The following AKAP6 variants were observed in gnomAD, a reference collection of about 807,000 sequenced individuals.
The protein encoded by AKAP6 is A-kinase anchoring protein 6.
In AKAP6, 58 loss-of-function variants were observed where a neutral mutation model predicts 188.5. That is an observed-to-expected ratio of 0.31 (90% CI 0.25 to 0.38). The LOEUF is 0.38. AKAP6 is among the 10% of genes least tolerant of loss of function. The pLI is 1.00. For synonymous variants in AKAP6, 989 were observed against 998.6 expected (o/e 0.99, Z 0.18); for missense variants, 2,710 against 2,740.0 (o/e 0.99, Z 0.24).
intron 4 of AKAP6, 55 bp from the exon 5 acceptor site, chr14:32,577,065 C>T (rs1884752863): frequency 6.4e-7 from 1 of 1,568,394 alleles, no homozygotes; most frequent in Non-Finnish European, 8.6e-7. Flanking sequence ...TACAGAATAA[C>T]CAACTAACAT....
intron 2 of AKAP6, among the ~76,000 whole-genome samples, chr14:32,525,375 T>C (rs966703788): frequency 3.2e-4 from 49 of 152,212 alleles, no homozygotes; most frequent in Admixed American, 2.0e-4. Flanking sequence ...TTTCAAAGCA[T>C]GGAAAGCAAA....
chr14:32,535,673 G>A lies in AKAP6; in HGVS notation c.444G>A (p.Gln148=). ...TGATAGTGGACATCCACGCAGTGCA[G>A]CTCCTCTGGCACCAGCTTCGAGTCT... ...VNVIVDIHAV[Q]LLWHQLRVSV... is the part of the protein sequence containing the mutation. Residue 148 remains glutamine, a synonymous_variant, in exon 3 of 14, where the codon CAG becomes CAA. Transcript: ENST00000280979. 6.2e-7 allele frequency: 1 copy of A among 1,614,236 alleles called. No homozygotes were observed. The highest frequency in any genetic ancestry group is 8.5e-7 in the Non-Finnish European group (1 of 1,180,024).
chr14:32,412,275 A>T (rs1957000), intron 1 of AKAP6, among the ~76,000 whole-genome samples: 96,379 of 152,036 alleles, frequency 0.63, 32,959 homozygotes, highest in Non-Finnish European at 0.76. Context: ...ACTCCTTGAC[A>T]CATTTACATA....
intron 1 of AKAP6, among the ~76,000 whole-genome samples, chr14:32,427,167 T>TGA: frequency 6.6e-6 from 1 of 152,296 alleles, no homozygotes; most frequent in Middle Eastern, 3.4e-3. Flanking sequence ...GCAGTCCTTC[T>TGA]CCTCACTGAC....
At chr14:32,461,091 C>T (rs962807466) in intron 2 of AKAP6, among the ~76,000 whole-genome samples, 5 of 152,196 alleles carry the variant, frequency 3.3e-5, no homozygotes, top group African/African-American at 9.7e-5. Context: ...ACCTCCATGT[C>T]CCTGGGACAG....
At chr14:32,481,362 T>C (rs1267947616) in intron 2 of AKAP6, among the ~76,000 whole-genome samples, 3 of 152,204 alleles carry the variant, frequency 2.0e-5, no homozygotes, top group Non-Finnish European at 2.9e-5. Context: ...AATGGCATCA[T>C]TCCTGTATTC....
chr14:32,823,114 G>A lies in AKAP6; in HGVS notation c.5301G>A (p.Glu1767=), dbSNP rs755211342. 1 of 1,613,786 alleles carries A rather than the reference G, an allele frequency of 6.2e-7. No individual in the cohort carries two copies. Among genetic ancestry groups the A allele is most frequent in the South Asian group, 1.1e-5 (1 of 91,076 alleles). The change falls in exon 13 of 14, where the codon GAG becomes GAA. Residue 1767 remains glutamate (E), a synonymous_variant. Transcript: ENST00000280979. ...SSSTLTLTEE[E]LCIKDEDDDS... is the part of the protein sequence containing the mutation. ...CTACCCTTACCTTGACTGAAGAAGA[G>A]CTGTGCATCAAAGATGAGGATGACG...
chr14:32,569,022 T>G (rs1463597643), intron 4 of AKAP6, among the ~76,000 whole-genome samples: 1 of 152,212 alleles, frequency 6.6e-6, no homozygotes, highest in Non-Finnish European at 1.5e-5. Flanking sequence ...TTTCCCATCA[T>G]AAGAGTTAGG....
At chr14:32,532,305 A>G (rs932165857) in intron 2 of AKAP6, among the ~76,000 whole-genome samples, 14 of 152,136 alleles carry the variant, frequency 9.2e-5, no homozygotes, top group African/African-American at 3.4e-4. Context: ...GTCAGCACTT[A>G]TGGGAAGGGT....
chr14:32,394,579 A>G (rs1888813862), intron 1 of AKAP6, among the ~76,000 whole-genome samples: 1 of 152,196 alleles, frequency 6.6e-6, no homozygotes, highest in East Asian at 1.9e-4. Flanking sequence ...TTATATTCAC[A>G]TCAGTTCGTA....
intron 1 of AKAP6, among the ~76,000 whole-genome samples, chr14:32,405,105 A>T (rs1594582447): frequency 6.6e-6 from 1 of 152,012 alleles, no homozygotes; most frequent in Non-Finnish European, 1.5e-5. Flanking sequence ...TCTTTTCCTA[A>T]TCTCAAGCCA....
intron 11 of AKAP6, among the ~76,000 whole-genome samples, chr14:32,771,701 T>C (rs569967939): frequency 1.3e-5 from 2 of 152,298 alleles, no homozygotes; most frequent in Non-Finnish European, 1.5e-5. Context: ...AAATTTTCAT[T>C]TGGCTAAGAA....
intron 7 of AKAP6, among the ~76,000 whole-genome samples, chr14:32,638,817 G>GAATA (rs1887630988): frequency 6.6e-6 from 1 of 151,708 alleles, no homozygotes; most frequent in Admixed American, 6.6e-5. Flanking sequence ...AAACAGACTT[G>GAATA]TTAATATTCA....
intron 2 of AKAP6, among the ~76,000 whole-genome samples, chr14:32,513,553 A>G (rs1881363359): frequency 6.6e-6 from 1 of 152,206 alleles, no homozygotes; most frequent in Non-Finnish European, 1.5e-5. Flanking sequence ...GGTATAATTC[A>G]GTTGCCTGCT....
intron 1 of AKAP6, among the ~76,000 whole-genome samples, chr14:32,418,838 G>A (rs183949971): frequency 7.8e-4 from 118 of 152,214 alleles, no homozygotes; most frequent in Middle Eastern, 3.4e-3. Flanking sequence ...GCTGGTTTGT[G>A]TCCCATGCTT....
rs572695021 is a variant in AKAP6, at chr14:32,528,747, G to A, written c.325-6807G>A. Among the ~76,000 whole-genome samples the A allele has an allele frequency of 2.6e-5, 4 of 151,988 alleles. No homozygotes were observed. In the South Asian group the frequency reaches 8.3e-4, roughly 32 times the overall value. ...GGCTGGAGTGCAATGGCGTGATCTC[G>A]GCTCACTGCAACCTCTGCCTCTTGG... On this transcript the variant is annotated intron_variant, in intron 2 of 13. Coordinates refer to ENST00000280979, the MANE Select transcript of AKAP6 (RefSeq NM_004274.5).
chr14:32,752,567 C>T (rs1170648731), intron 11 of AKAP6, among the ~76,000 whole-genome samples: 2 of 152,052 alleles, frequency 1.3e-5, no homozygotes, highest in Non-Finnish European at 2.9e-5. Context: ...ATGTATATGT[C>T]GTGACATGAT....
chr14:32,455,798 T>C (rs956999413), intron 2 of AKAP6, among the ~76,000 whole-genome samples: 2 of 152,202 alleles, frequency 1.3e-5, no homozygotes, highest in African/African-American at 2.4e-5. Context: ...TCTGTCCTAT[T>C]TTAAAATTAT....
chr14:32,405,531 A>G (rs1013655567), intron 1 of AKAP6, among the ~76,000 whole-genome samples: 1 of 152,184 alleles, frequency 6.6e-6, no homozygotes, highest in Admixed American at 6.5e-5. Flanking sequence ...AAAATATTTC[A>G]GATTTCAGTT....
Sources: allele counts gnomAD v4.1 joint callset (sites outside exome capture counted in the v4.1 genomes callset), GRCh38; gene constraint gnomAD v4.1.1; transcripts MANE v1.5; gene names NCBI Gene and HGNC (gene_info 2026-07-23, HGNC 2026-07-21).